Variants in TRDN observed in about 807,000 individuals in gnomAD.
The protein encoded by TRDN is triadin.
Under a neutral mutation model 149.7 loss-of-function variants are expected in TRDN, and 161 were observed. That is an observed-to-expected ratio of 1.08 (90% CI 0.95 to 1.23). The LOEUF (loss-of-function observed/expected upper bound fraction) is 1.23. Ranked by LOEUF, TRDN falls within the 50% of genes most tolerant of loss-of-function variation. TRDN has a pLI of 0.00. For missense variants in TRDN, 896 were observed against 823.5 expected (o/e 1.09, Z -1.08); for synonymous variants, 294 against 250.5 (o/e 1.17, Z -1.64).
chr6:123,455,446 G>A (rs113203635), intron 10 of TRDN, among the ~76,000 whole-genome samples: 14 of 151,714 alleles, frequency 9.2e-5, no homozygotes, highest in African/African-American at 3.4e-4. Context: ...GTGTCTGTGT[G>A]TGTTAGAGAA....
chr6:123,225,293 T>C (rs2114508217), intron 38 of TRDN, among the ~76,000 whole-genome samples: 1 of 151,874 alleles, frequency 6.6e-6, no homozygotes, highest in African/African-American at 2.4e-5. Flanking sequence ...GAATGTAAAT[T>C]GGTATTGCCA....
Position 123,241,953 on chromosome 6 carries a change from A to G in TRDN, c.1975+10459T>C, listed in dbSNP as rs547277970. ...TGTTCCTACTACACTATTTCATTTGAAATACTCATTTTGAGGATCTAACAA... is the reference window on the plus strand; with the variant it reads ...TGTTCCTACTACACTATTTCATTTGGAATACTCATTTTGAGGATCTAACAA... On this transcript the variant is annotated intron_variant, in intron 38 of 40. Transcript: ENST00000334268. Among the ~76,000 whole-genome samples the G allele has an allele frequency of 1.4e-4, 21 of 152,298 alleles. No individual in the cohort carries two copies. In the South Asian group the frequency reaches 4.1e-3, roughly 30 times the overall value.
chr6:123,316,537 A>G (rs772045217), intron 23 of TRDN, 42 bp from the exon 24 acceptor site: 2 of 1,577,644 alleles, frequency 1.3e-6, no homozygotes, highest in Non-Finnish European at 8.7e-7. Context: ...AACAAAAGGG[A>G]AAAAAATAAC....
chr6:123,301,886 G>A (rs1031756055), intron 24 of TRDN, among the ~76,000 whole-genome samples: 2 of 147,500 alleles, frequency 1.4e-5, no homozygotes, highest in African/African-American at 4.9e-5. Context: ...TTCATATGGC[G>A]GTCTGCGTGT....
intron 38 of TRDN, among the ~76,000 whole-genome samples, chr6:123,246,800 A>G (rs77923784): frequency 6.6e-6 from 1 of 151,366 alleles, no homozygotes; most frequent in Non-Finnish European, 1.5e-5. Flanking sequence ...GAAAAAAAAA[A>G]AAAGAAAATT....
chr6:123,591,204 C>A (rs1036543901), intron 1 of TRDN, among the ~76,000 whole-genome samples: 2 of 151,908 alleles, frequency 1.3e-5, no homozygotes, highest in Admixed American at 1.3e-4. Flanking sequence ...ATATGGACAC[C>A]ATTGTATTAA....
intron 24 of TRDN, among the ~76,000 whole-genome samples, chr6:123,287,962 T>C (rs1353446880): frequency 6.6e-6 from 1 of 152,014 alleles, no homozygotes; most frequent in Non-Finnish European, 1.5e-5. Flanking sequence ...TTATATTTTC[T>C]ATATTTTCCA....
At chr6:123,361,030 G>A (rs1027995035) in intron 20 of TRDN, among the ~76,000 whole-genome samples, 11 of 152,022 alleles carry the variant, frequency 7.2e-5, no homozygotes, top group African/African-American at 2.2e-4. Flanking sequence ...GAATAGTGCC[G>A]CAATAAACAT....
chr6:123,602,730 G>A (rs1303503419), intron 1 of TRDN, among the ~76,000 whole-genome samples: 1 of 151,890 alleles, frequency 6.6e-6, no homozygotes, highest in Non-Finnish European at 1.5e-5. Flanking sequence ...TACTACTTAG[G>A]ATAAACTTCC....
intron 10 of TRDN, among the ~76,000 whole-genome samples, chr6:123,453,890 G>GGTGTGTGTGT (rs533210679): frequency 0.12 from 17,632 of 148,552 alleles, 1,104 homozygotes; most frequent in African/African-American, 0.18. Context: ...AAGAAACTGT[G>GGTGTGTGTGT]GTGTGTGTGT....
chr6:123,496,644 T>C lies in TRDN; in HGVS notation c.853+549A>G, dbSNP rs529361372. Among the ~76,000 whole-genome samples the C allele has an allele frequency of 1.1e-3, 165 of 152,248 alleles. 1 individual carries two copies. Among genetic ancestry groups the C allele is most frequent in the Middle Eastern group, 6.8e-3 (2 of 294 alleles). On this transcript the variant is annotated intron_variant, in intron 9 of 40. Coordinates refer to ENST00000334268, the MANE Select transcript of TRDN (RefSeq NM_006073.4). ...TTAAAGATACAAGACAAGGTAGATATATTCCTTTAACTCAAAATCCTTCCC... is the reference window on the plus strand; with the variant it reads ...TTAAAGATACAAGACAAGGTAGATACATTCCTTTAACTCAAAATCCTTCCC...
At chr6:123,345,825 T>A (rs1252830067) in intron 21 of TRDN, among the ~76,000 whole-genome samples, 1 of 152,074 alleles carries the variant, frequency 6.6e-6, no homozygotes, top group Non-Finnish European at 1.5e-5. Flanking sequence ...GATCGTTGTG[T>A]TTTTAATCTT....
intron 1 of TRDN, among the ~76,000 whole-genome samples, chr6:123,628,465 G>A (rs1335961164): frequency 2.0e-5 from 3 of 151,826 alleles, no homozygotes; most frequent in African/African-American, 4.8e-5. Context: ...AAAGAACAAT[G>A]GTCACAGATC....
At chr6:123,235,928 T>C (rs1775771249) in intron 38 of TRDN, among the ~76,000 whole-genome samples, 1 of 152,202 alleles carries the variant, frequency 6.6e-6, no homozygotes, top group South Asian at 2.1e-4. Flanking sequence ...TCTATATCCA[T>C]TTGCCTGTTG....
intron 7 of TRDN, among the ~76,000 whole-genome samples, chr6:123,511,988 A>AC (rs1562356470): frequency 5.9e-4 from 29 of 49,136 alleles, no homozygotes; most frequent in African/African-American, 2.2e-3. Flanking sequence ...CTGCCTCTGC[A>AC]ATTTTTTTTT....
intron 1 of TRDN, among the ~76,000 whole-genome samples, chr6:123,629,490 C>A (rs1785860058): frequency 6.6e-6 from 1 of 152,084 alleles, no homozygotes; most frequent in Non-Finnish European, 1.5e-5. Context: ...TAAATGAAAC[C>A]AAGTTTCCCC....
At chr6:123,573,712 C>A (rs2114548776) in intron 1 of TRDN, among the ~76,000 whole-genome samples, 1 of 152,002 alleles carries the variant, frequency 6.6e-6, no homozygotes. Context: ...CTGTTTTATC[C>A]CATTAGCAAA....
chr6:123,321,706 C>G (rs1779249906), intron 23 of TRDN, among the ~76,000 whole-genome samples: 1 of 151,958 alleles, frequency 6.6e-6, no homozygotes, highest in Non-Finnish European at 1.5e-5. Context: ...ACTGTCACTC[C>G]AAATAGCTTG....
At chr6:123,315,047 T>C (rs1290302770) in intron 24 of TRDN, among the ~76,000 whole-genome samples, 1 of 151,964 alleles carries the variant, frequency 6.6e-6, no homozygotes, top group Non-Finnish European at 1.5e-5. Flanking sequence ...ATACTTAATG[T>C]AAACTAATAA....
Sources: allele counts gnomAD v4.1 joint callset (sites outside exome capture counted in the v4.1 genomes callset), GRCh38; gene constraint gnomAD v4.1.1; transcripts MANE v1.5; gene names NCBI Gene and HGNC (gene_info 2026-07-23, HGNC 2026-07-21).